Variants in TASP1 observed in about 807,000 individuals in gnomAD.
TASP1 encodes threonine aspartase 1.
In TASP1, 16 loss-of-function variants were observed where a neutral mutation model predicts 56.6. The ratio of observed to expected loss-of-function variants is 0.28; its 90% CI spans 0.19 to 0.43. The LOEUF (loss-of-function observed/expected upper bound fraction) is 0.43. Ranked by LOEUF, TASP1 falls within the 20% of genes least tolerant of loss-of-function variation. TASP1 has a pLI of 1.00. For synonymous variants in TASP1, 179 were observed against 184.2 expected, an observed-to-expected ratio of 0.97 and a Z score of 0.23; for missense variants, 393 against 511.6, an observed-to-expected ratio of 0.77 and a Z score of 2.24.
chr20:13,393,528 AG>A, intron 13 of TASP1: 1 of 797,830 alleles, frequency 1.3e-6, no homozygotes, highest in Admixed American at 1.7e-5. Flanking sequence ...CTCCTCCAAC[AG>A]TGATACCCAC....
At chr20:13,221,989 G>C in the TASP1 span, 2 of 1,237,462 alleles carry the variant, frequency 1.6e-6, no homozygotes, top group Non-Finnish European at 2.0e-6. Flanking sequence ...AGCTAGTGCC[G>C]GGTGGATGCA....
chr20:13,360,728 T>G, the TASP1 span, among the ~76,000 whole-genome samples: 5 of 152,188 alleles, frequency 3.3e-5, no homozygotes, highest in Admixed American at 6.5e-5. Flanking sequence ...ACTTTCTGCT[T>G]CCCAGCTCCT....
the TASP1 span, chr20:13,292,316 T>TG: frequency 9.9e-7 from 1 of 1,008,672 alleles, no homozygotes; most frequent in Non-Finnish European, 1.5e-6. Flanking sequence ...ATTGTTGGGG[T>TG]GGGGGAGATA....
At chr20:13,500,370 A>G (rs1332920180) in intron 10 of TASP1, among the ~76,000 whole-genome samples, 1 of 149,480 alleles carries the variant, frequency 6.7e-6, no homozygotes, top group Non-Finnish European at 1.5e-5. Context: ...GTTTTCAAAT[A>G]TAATGTTTAG....
intron 11 of TASP1, among the ~76,000 whole-genome samples, chr20:13,456,445 T>G (rs1466981580): frequency 6.6e-6 from 1 of 152,122 alleles, no homozygotes; most frequent in East Asian, 1.9e-4. Context: ...TGGCTCCTTC[T>G]TTTTGTTTGC....
intron 12 of TASP1, among the ~76,000 whole-genome samples, chr20:13,426,597 G>A (rs1317841869): frequency 6.6e-6 from 1 of 152,106 alleles, no homozygotes; most frequent in Non-Finnish European, 1.5e-5. Context: ...TAAACAAAGT[G>A]TCAGATTATA....
chr20:13,397,128 C>T (rs912660135), intron 13 of TASP1, among the ~76,000 whole-genome samples: 3 of 152,234 alleles, frequency 2.0e-5, no homozygotes, highest in Non-Finnish European at 4.4e-5. Context: ...TCACCACTCA[C>T]ATGGAGAATT....
chr20:13,191,156 C>T, the TASP1 span, among the ~76,000 whole-genome samples: 5 of 152,044 alleles, frequency 3.3e-5, no homozygotes, highest in East Asian at 7.7e-4. Flanking sequence ...TAAGTTAGTA[C>T]AGCCATTAAA....
the TASP1 span, among the ~76,000 whole-genome samples, chr20:13,303,428 T>G: frequency 6.6e-6 from 1 of 152,226 alleles, no homozygotes; most frequent in African/African-American, 2.4e-5. Context: ...TTCTAAAAGA[T>G]AGCCTGATCC....
the TASP1 span, among the ~76,000 whole-genome samples, chr20:13,221,552 TGCGGCGGCGGCG>T: frequency 2.8e-5 from 4 of 141,584 alleles, no homozygotes; most frequent in South Asian, 4.5e-4. Flanking sequence ...TCCGCCGTGG[TGCGGCGGCGGCG>T]GCGGCGGCGG....
At chr20:13,225,075 A>G in the TASP1 span, among the ~76,000 whole-genome samples, 112 of 146,572 alleles carry the variant, frequency 7.6e-4, 1 homozygote, top group South Asian at 4.3e-3. Context: ...GGATGGTCTC[A>G]CTCTCCTGAC....
chr20:13,615,217 G>A (rs2048479665), intron 4 of TASP1, among the ~76,000 whole-genome samples: 1 of 152,112 alleles, frequency 6.6e-6, no homozygotes, highest in African/African-American at 2.4e-5. Context: ...TCCCCACTCT[G>A]AATGTGTTAT....
chr20:13,282,789 A>C, the TASP1 span, among the ~76,000 whole-genome samples: 1 of 152,232 alleles, frequency 6.6e-6, no homozygotes, highest in African/African-American at 2.4e-5. Context: ...GGGCCTTGTT[A>C]AAATGCACCT....
chr20:13,119,138 C>T, the TASP1 span, among the ~76,000 whole-genome samples: 154 of 152,354 alleles, frequency 1.0e-3, 1 homozygote, highest in African/African-American at 3.6e-3. Flanking sequence ...CTCCCTGATC[C>T]TGGCTACATT....
chr20:13,451,772 C>T (rs964445940), intron 11 of TASP1, among the ~76,000 whole-genome samples: 1 of 152,096 alleles, frequency 6.6e-6, no homozygotes, highest in African/African-American at 2.4e-5. Context: ...AAGAACTTTT[C>T]CTTTGCATTC....
At chr20:13,578,272 ATTAATAT>A (rs931684463) in intron 6 of TASP1, among the ~76,000 whole-genome samples, 5 of 151,320 alleles carry the variant, frequency 3.3e-5, no homozygotes, top group Admixed American at 2.6e-4. Flanking sequence ...TTTATATCTC[ATTAATAT>A]TTTCTTTCCC....
the TASP1 span, chr20:13,221,893 C>A: frequency 2.0e-5 from 28 of 1,387,824 alleles, no homozygotes; most frequent in African/African-American, 1.8e-4. Context: ...CCGCGGGCAA[C>A]GCCAGCCAAG....
chr20:13,557,845 T>C (rs6109944), intron 8 of TASP1, among the ~76,000 whole-genome samples: 1,697 of 152,150 alleles, frequency 0.011, 41 homozygotes, highest in African/African-American at 0.038. Flanking sequence ...TACTGTGATT[T>C]ACAGGCATGA....
At chr20:13,414,290 C>A (rs1415673722) in intron 13 of TASP1, among the ~76,000 whole-genome samples, 1 of 152,164 alleles carries the variant, frequency 6.6e-6, no homozygotes, top group Non-Finnish European at 1.5e-5. Context: ...AGATGGAATA[C>A]TACACAAGTG....
Sources: allele counts gnomAD v4.1 joint callset (sites outside exome capture counted in the v4.1 genomes callset), GRCh38; gene constraint gnomAD v4.1.1; transcripts MANE v1.5; gene names NCBI Gene and HGNC (gene_info 2026-07-23, HGNC 2026-07-21).